The following TFR2 variants were observed in gnomAD, a reference collection of about 807,000 sequenced individuals.
The protein encoded by TFR2 is transferrin receptor 2, also known as transferrin receptor protein 2.
TFR2 carries 64 observed loss-of-function variants against 91.9 expected under a neutral mutation model. The ratio of observed to expected loss-of-function variants is 0.70; its 90% CI spans 0.57 to 0.86. The LOEUF is 0.86. Among genes scored for constraint, TFR2 ranks in the 40% least tolerant of loss-of-function variants. The pLI, the probability that TFR2 is intolerant of heterozygous loss-of-function variation, is 0.00. For synonymous variants in TFR2, 454 were observed against 459.6 expected (o/e 0.99, Z 0.15); for missense variants, 950 against 1,080.5 (o/e 0.88, Z 1.69).
Position 100,628,220 on chromosome 7 carries a change from T to G in TFR2, c.1473+4A>C. ...CTAACGACCTGCCCGGGACCCCGTA[T>G]CACCTCTAGCCACTCCGTGGAGCCC... On this transcript the variant is annotated splice_donor_region_variant and intron_variant, in intron 11 of 17. Transcript: ENST00000223051. 1 of 1,577,226 alleles carries G rather than the reference T, an allele frequency of 6.3e-7. No homozygotes were observed. The highest frequency in any genetic ancestry group is 8.7e-7 in the Non-Finnish European group (1 of 1,152,660).
chr7:100,630,819 G>T, intron 9 of TFR2, 70 bp downstream of exon 9: 2 of 1,603,486 alleles, frequency 1.2e-6, no homozygotes, highest in Non-Finnish European at 1.7e-6. Context: ...CCCCTATCTT[G>T]CCAGGGTGTA....
At chr7:100,628,736 A>G (rs1162433835) in intron 10 of TFR2, among the ~76,000 whole-genome samples, 1 of 151,322 alleles carries the variant, frequency 6.6e-6, no homozygotes, top group Non-Finnish European at 1.5e-5. Context: ...CCCATGGACT[A>G]TGATTATCAT....
intron 17 of TFR2, among the ~76,000 whole-genome samples, chr7:100,624,763 A>G (rs569113064): frequency 6.6e-6 from 1 of 151,464 alleles, no homozygotes; most frequent in Non-Finnish European, 1.5e-5. Flanking sequence ...GCTACTCAGG[A>G]GGCTGAGGTG....
Position 100,632,983 on chromosome 7 carries a change from C to T in TFR2, c.849+18G>A, listed in dbSNP as rs1276828235. ...CGGTTCCCGGGCTCAAGCCCTCCCT[C>T]TGTCCAGGGACACTTACCTTCTGGG... On this transcript the variant is annotated intron_variant, in intron 6 of 17. Transcript: ENST00000223051. 1.2e-6 allele frequency: 2 copies of T among 1,613,614 alleles called. No homozygotes were observed. The highest frequency in any genetic ancestry group is 3.3e-5 in the Admixed American group (2 of 59,996).
At position 100,641,088 on chromosome 7, in the gene TFR2, G is replaced by A. The variant is rs1398812223; in HGVS notation, c.174C>T (p.Gly58=). Residue 58 remains glycine (G), a synonymous_variant, in exon 2 of 18, where the codon GGC becomes GGT. Transcript: ENST00000223051. The part of the protein sequence containing the change: ...LAHFCPMELR[G]PEPLGSRPRQ... ...TGGGTCTAGAGCCCAGGGGCTCAGG[G>A]CCCCTCAGCTCCATGGGGCAGAAGT... 1.9e-6 allele frequency: 3 copies of A among 1,599,798 alleles called. No individual in the cohort carries two copies. Among genetic ancestry groups the A allele is most frequent in the Middle Eastern group, 1.7e-4 (1 of 5,986 alleles).
At position 100,626,450 on chromosome 7, in the gene TFR2, G is replaced by A. The variant is rs915085333; in HGVS notation, c.2136+313C>T. The A allele has an allele frequency of 1.0e-5, 13 of 1,242,646 alleles. No individual in the cohort carries two copies. The African/African-American group carries it at 1.8e-4, about 18-fold the overall frequency. 77.0% of individuals were successfully genotyped at this position (1,242,646 alleles called of 1,614,324 possible). On this transcript the variant is annotated intron_variant, in intron 17 of 17. Transcript: ENST00000223051. ...TTCCAGAAGGGTCGAGGAGGCAGTG[G>A]GAGCTATAGGAGGGGAGTCAGCGGG...
chr7:100,632,198 C>G lies in TFR2; in HGVS notation c.850G>C (p.Val284Leu), dbSNP rs1183007074. 2 of 1,613,820 alleles carry G rather than the reference C, an allele frequency of 1.2e-6. No individual in the cohort carries two copies. Among genetic ancestry groups the G allele is most frequent in the African/African-American group, 2.7e-5 (2 of 74,884 alleles). ...GCCCCGAAGTCCTGAGCATTGGTCA[C>G]CTGGGGAGGAAGGTGACTAGAGGAC... ...RVGVISFAQK[V>L]TNAQDFGAQG... Residue 284 changes from valine (V) to leucine (L), a missense_variant and splice_region_variant, in exon 7 of 18, where the codon GTG (valine) becomes CTG (leucine). Physicochemically the swap from Val to Leu is conservative, Grantham distance 32. Transcript: ENST00000223051.
intron 10 of TFR2, 127 bp downstream of exon 10, chr7:100,629,126 A>T (rs1301496270): frequency 8.0e-7 from 1 of 1,255,622 alleles, no homozygotes; most frequent in Non-Finnish European, 1.2e-6. Context: ...CTCAGGTACA[A>T]TGTGGATGCC....
intron 3 of TFR2, among the ~76,000 whole-genome samples, chr7:100,637,225 C>A (rs1803590980): frequency 6.6e-6 from 1 of 151,972 alleles, no homozygotes; most frequent in Non-Finnish European, 1.5e-5. Context: ...CATGGAGAAA[C>A]CCCATCTCCA....
chr7:100,627,419 G>A lies in TFR2; in HGVS notation c.1840C>T (p.Arg614Cys), dbSNP rs1803296211. The A allele has an allele frequency of 3.2e-6, 5 of 1,576,650 alleles. No homozygotes were observed. Among genetic ancestry groups the A allele is most frequent in the African/African-American group, 2.7e-5 (2 of 74,234 alleles). Reference sequence around the variant, plus strand: ...ACGGCCTGGGCCACGGCGGGCAGGCGGCCTTGCAGCACCTTATGCAGGTTC... The same window carrying A: ...ACGGCCTGGGCCACGGCGGGCAGGCAGCCTTGCAGCACCTTATGCAGGTTC... ...YENLHKVLQG[R>C]LPAVAQAVAQ... Residue 614 changes from arginine to cysteine, a missense_variant, in exon 16 of 18, where the codon CGC (arginine) becomes TGC (cysteine). Arg to Cys is a radical substitution (Grantham distance 180, BLOSUM62 -3). Transcript: ENST00000223051.
intron 8 of TFR2, 108 bp downstream of exon 8, chr7:100,631,698 C>G (rs1436264959): frequency 6.7e-7 from 1 of 1,490,002 alleles, no homozygotes; most frequent in African/African-American, 1.4e-5. Flanking sequence ...TCACTGCAGG[C>G]TTAAACAAGA....
intron 3 of TFR2, among the ~76,000 whole-genome samples, chr7:100,637,293 G>A (rs924684576): frequency 5.9e-5 from 9 of 152,070 alleles, no homozygotes; most frequent in African/African-American, 2.2e-4. Flanking sequence ...CAGCTACTCG[G>A]GGAGCTGAGG....
chr7:100,640,031 G>C (rs376659021), intron 3 of TFR2: 2 of 152,126 alleles, frequency 1.3e-5, no homozygotes, highest in African/African-American at 4.8e-5. Context: ...TGATCTGCCC[G>C]CCTCCGCCTC....
At position 100,626,822 on chromosome 7, in the gene TFR2, A is replaced by T; in HGVS notation, c.2077T>A (p.Tyr693Asn). The T allele has an allele frequency of 6.5e-7, 1 of 1,549,602 alleles. No homozygotes were observed. Residue 693 changes from tyrosine to asparagine, a missense_variant, in exon 17 of 18, where the codon TAC becomes AAC. Coordinates refer to ENST00000223051, the MANE Select transcript of TFR2 (RefSeq NM_003227.4). ...CGCTCGTCTCTCTCCTCCGAGCTGT[A>T]GATCTCCTGCCGCAGCTTTTCCGCC... is the stretch of plus-strand genomic sequence containing the variant. Reference protein sequence around the residue: ...RAAEKLRQEIYSSEERDERLT... With the variant: ...RAAEKLRQEINSSEERDERLT...
intron 3 of TFR2, 57 bp from the exon 4 acceptor site, chr7:100,633,613 G>A: frequency 6.4e-7 from 1 of 1,555,088 alleles, no homozygotes; most frequent in Non-Finnish European, 8.7e-7. Context: ...GAGGGAAGAG[G>A]GAAGGATGCC....
At position 100,621,018 on chromosome 7, in the gene TFR2, G is replaced by A. The variant is rs987041183; in HGVS notation, c.2245C>T (p.Arg749Trp). Residue 749 changes from arginine (R) to tryptophan (W), a missense_variant, in exon 18 of 18, where the codon CGG becomes TGG. Transcript: ENST00000223051. ...HTLGALLDHL[R>W]LLRSNSSGTP... ...CCGGAGCTGTTGGAGCGCAGCAGCC[G>A]CAGGTGGTCCAGCAGGGCGCCCAGC... is the stretch of plus-strand genomic sequence containing the variant. The A allele has an allele frequency of 7.5e-6, 12 of 1,601,436 alleles. No homozygotes were observed. The highest frequency in any genetic ancestry group is 3.5e-5 in the Admixed American group (2 of 57,930).
intron 17 of TFR2, 105 bp from the exon 18 acceptor site, chr7:100,621,231 GTTTT>G (rs1419366966): frequency 7.5e-7 from 1 of 1,340,674 alleles, no homozygotes; most frequent in East Asian, 2.6e-5. Context: ...TTGTTTGTTT[GTTTT>G]CTTTTTGTGT....
At chr7:100,641,268 C>T (rs1212586994) in intron 1 of TFR2, 40 bp from the exon 2 acceptor site, 8 of 1,322,402 alleles carry the variant, frequency 6.0e-6, no homozygotes, top group Non-Finnish European at 6.9e-6. Context: ...GGCAAGAGGC[C>T]TGGGGGGTGG....
In TFR2 at chr7:100,633,566, G is replaced by T; in HGVS notation, c.474-10C>A. On this transcript the variant is annotated splice_polypyrimidine_tract_variant and intron_variant, in intron 3 of 17. Coordinates refer to ENST00000223051, the MANE Select transcript of TFR2 (RefSeq NM_003227.4). ...CCGAAGGCTGGTTTGCCTAAGCGGG[G>T]AGAGGTGGGGACTTTTCTGGGCGCC... The T allele has an allele frequency of 6.3e-7, 1 of 1,597,496 alleles. No individual in the cohort carries two copies. The highest frequency in any genetic ancestry group is 8.5e-7 in the Non-Finnish European group (1 of 1,177,504).
Sources: allele counts gnomAD v4.1 joint callset (sites outside exome capture counted in the v4.1 genomes callset), GRCh38; gene constraint gnomAD v4.1.1; transcripts MANE v1.5; gene names NCBI Gene and HGNC (gene_info 2026-07-23, HGNC 2026-07-21).